The following EPHB1 variants were observed in gnomAD, a reference collection of about 807,000 sequenced individuals.
The protein encoded by EPHB1 is ephrin type-B receptor 1.
In EPHB1, 30 loss-of-function variants were observed where a neutral mutation model predicts 94.4. The observed-to-expected ratio is 0.32, with a 90% CI of 0.24 to 0.43. The LOEUF is 0.43. Ranked by LOEUF, EPHB1 falls within the 20% of genes least tolerant of loss-of-function variation. EPHB1 has a pLI of 1.00. For missense variants in EPHB1, 1,055 were observed against 1,308.3 expected (o/e 0.81, Z 2.99); for synonymous variants, 522 against 489.1 (o/e 1.07, Z -0.89).
intron 1 of EPHB1, among the ~76,000 whole-genome samples, chr3:134,811,251 T>TTTTTTTTTTTTTTTTTTTG (rs2036172164): frequency 1.0e-5 from 1 of 97,156 alleles, no homozygotes; most frequent in Non-Finnish European, 1.8e-5. Context: ...GGTTTTTTTT[T>TTTTTTTTTTTTTTTTTTTG]TTTTTTTTTT....
chr3:134,967,009 C>T (rs115804991), intron 3 of EPHB1, among the ~76,000 whole-genome samples: 13 of 152,204 alleles, frequency 8.5e-5, no homozygotes, highest in Admixed American at 3.9e-4. Flanking sequence ...CTGCCTTGTC[C>T]TTTATTCAAC....
chr3:135,034,400 G>A (rs1936581392), intron 3 of EPHB1, among the ~76,000 whole-genome samples: 1 of 152,222 alleles, frequency 6.6e-6, no homozygotes, highest in Admixed American at 6.5e-5. Flanking sequence ...TGCCTTGGAG[G>A]ATCTCACAGG....
At chr3:134,958,759 G>A (rs572990237) in intron 3 of EPHB1, among the ~76,000 whole-genome samples, 1 of 152,130 alleles carries the variant, frequency 6.6e-6, no homozygotes, top group Non-Finnish European at 1.5e-5. Context: ...TTGGCTGTCT[G>A]TAATTGACTG....
At chr3:135,064,353 TAA>T in intron 3 of EPHB1, among the ~76,000 whole-genome samples, 1 of 152,156 alleles carries the variant, frequency 6.6e-6, no homozygotes, top group Non-Finnish European at 1.5e-5. Context: ...TGGTAATTTT[TAA>T]ATTACCATTT....
At chr3:134,833,468 G>A (rs1475773494) in intron 1 of EPHB1, among the ~76,000 whole-genome samples, 4 of 152,254 alleles carry the variant, frequency 2.6e-5, no homozygotes, top group African/African-American at 9.6e-5. Flanking sequence ...GGCGTGATTG[G>A]TTCAGGATAG....
intron 3 of EPHB1, among the ~76,000 whole-genome samples, chr3:135,075,106 G>A (rs1937863000): frequency 6.6e-6 from 1 of 152,194 alleles, no homozygotes; most frequent in African/African-American, 2.4e-5. Flanking sequence ...ACTAGGTGCT[G>A]GATACAAGAA....
intron 3 of EPHB1, among the ~76,000 whole-genome samples, chr3:134,977,753 G>A (rs1465294852): frequency 6.6e-6 from 1 of 152,110 alleles, no homozygotes; most frequent in Non-Finnish European, 1.5e-5. Context: ...GGATGGATTT[G>A]TCTATTCCCC....
chr3:134,882,814 C>CTCTCTTTCTTTCT (rs2037781457), intron 1 of EPHB1, among the ~76,000 whole-genome samples: 1 of 93,136 alleles, frequency 1.1e-5, no homozygotes, highest in African/African-American at 4.1e-5. Flanking sequence ...TTCTTTCTTT[C>CTCTCTTTCTTTCT]TTTCTTTCTT....
intron 1 of EPHB1, among the ~76,000 whole-genome samples, chr3:134,819,526 T>A (rs2036340030): frequency 6.6e-6 from 1 of 152,186 alleles, no homozygotes; most frequent in Non-Finnish European, 1.5e-5. Context: ...GTAAATGAGA[T>A]AACATAGATG....
intron 3 of EPHB1, among the ~76,000 whole-genome samples, chr3:135,097,172 T>TG (rs1281683791): frequency 4.1e-5 from 6 of 147,002 alleles, no homozygotes; most frequent in Non-Finnish European, 1.5e-5. Flanking sequence ...TTCTTTGTTT[T>TG]TTTTTTTTTT....
intron 14 of EPHB1, 112 bp from the exon 15 acceptor site, chr3:135,249,224 C>G: frequency 7.8e-7 from 1 of 1,275,030 alleles, no homozygotes; most frequent in South Asian, 1.5e-5. Flanking sequence ...CCACTATAAT[C>G]CTCATTCCAT....
intron 9 of EPHB1, among the ~76,000 whole-genome samples, chr3:135,170,572 T>G (rs546356273): frequency 6.2e-4 from 95 of 152,224 alleles, no homozygotes; most frequent in African/African-American, 2.2e-3. Flanking sequence ...TCATGGTTTT[T>G]GTGGGCCCGT....
intron 1 of EPHB1, among the ~76,000 whole-genome samples, chr3:134,799,885 C>T (rs1236638595): frequency 1.3e-5 from 2 of 151,984 alleles, no homozygotes; most frequent in Non-Finnish European, 2.9e-5. Context: ...GCAAATAGGA[C>T]CAAAGAAGAA....
rs557850231 is a variant in EPHB1 at position 134,890,554 on chromosome 3, G to T, written c.59-35262G>T. Among the ~76,000 whole-genome samples the T allele has an allele frequency of 9.2e-5, 14 of 152,338 alleles. No homozygotes were observed. The East Asian group carries it at 2.3e-3, about 25-fold the overall frequency. The stretch of plus-strand genomic sequence containing the variant: ...TGGGCATATTGCTGGGAATGGAATT[G>T]CTTGTTCATGGGATATGTACTTGTT... On this transcript the variant is annotated intron_variant, in intron 1 of 15. Coordinates refer to ENST00000398015, the MANE Select transcript of EPHB1 (RefSeq NM_004441.5).
intron 1 of EPHB1, among the ~76,000 whole-genome samples, chr3:134,918,875 A>T (rs1229174782): frequency 6.6e-6 from 1 of 152,194 alleles, no homozygotes; most frequent in Non-Finnish European, 1.5e-5. Context: ...TGAAGTTATT[A>T]GGTGGTCAGA....
At chr3:134,906,042 G>T (rs369529209) in intron 1 of EPHB1, among the ~76,000 whole-genome samples, 3 of 152,180 alleles carry the variant, frequency 2.0e-5, no homozygotes, top group Non-Finnish European at 4.4e-5. Flanking sequence ...CCTTCTGAGC[G>T]CTCCCATGGT....
intron 3 of EPHB1, among the ~76,000 whole-genome samples, chr3:135,012,334 A>G (rs116193888): frequency 6.6e-6 from 1 of 152,308 alleles, no homozygotes; most frequent in Non-Finnish European, 1.5e-5. Flanking sequence ...GTGCTCAGTA[A>G]GCACAGCCAG....
chr3:135,159,636 G>C (rs950087266), intron 6 of EPHB1, among the ~76,000 whole-genome samples: 1 of 152,198 alleles, frequency 6.6e-6, no homozygotes, highest in African/African-American at 2.4e-5. Flanking sequence ...ATCCCTGAGT[G>C]GGGGTGGGGA....
intron 10 of EPHB1, among the ~76,000 whole-genome samples, chr3:135,183,031 TTTCTTTC>T (rs764872670): frequency 1.8e-3 from 126 of 68,898 alleles, no homozygotes; most frequent in Admixed American, 2.9e-3. Flanking sequence ...TTTTCTTTTC[TTTCTTTC>T]TTTCTTTCTT....
Sources: allele counts gnomAD v4.1 joint callset (sites outside exome capture counted in the v4.1 genomes callset), GRCh38; gene constraint gnomAD v4.1.1; transcripts MANE v1.5; gene names NCBI Gene and HGNC (gene_info 2026-07-23, HGNC 2026-07-21).